WDR4: variants seen among roughly 807,000 people sequenced by gnomAD.
WDR4 encodes the protein WDR4 tRNA N7-guanosine methyltransferase non-catalytic subunit, also known as tRNA (guanine-N(7)-)-methyltransferase non-catalytic subunit WDR4.
A neutral mutation model predicts 48.6 loss-of-function variants in WDR4; 47 were observed. The observed-to-expected ratio is 0.97, with a 90% CI of 0.77 to 1.23. The LOEUF (loss-of-function observed/expected upper bound fraction) is 1.23, where lower values mean the gene tolerates loss of function less well. Among genes scored for constraint, WDR4 ranks in the 50% most tolerant of loss-of-function variants. The pLI, the probability that WDR4 is intolerant of heterozygous loss-of-function variation, is 0.00. For synonymous variants in WDR4, 268 were observed against 230.0 expected, an observed-to-expected ratio of 1.17 and a Z score of -1.49; for missense variants, 606 against 551.6, an observed-to-expected ratio of 1.10 and a Z score of -0.99.
At chr21:42,853,811 G>A (rs1457768905) in intron 8 of WDR4, 59 bp from the exon 9 acceptor site, 8 of 1,500,002 alleles carry the variant, frequency 5.3e-6, no homozygotes, top group African/African-American at 2.8e-5. Context: ...GCTCCGCTCT[G>A]CAGCCAGCAC....
At chr21:42,863,680 C>G (rs928469052) in intron 3 of WDR4, 84 bp from the exon 4 acceptor site, 29 of 1,456,716 alleles carry the variant, frequency 2.0e-5, no homozygotes, top group Middle Eastern at 3.7e-4. Flanking sequence ...TGGGCGGTGG[C>G]AGGCACCGGT....
chr21:42,891,626 T>C, the WDR4 span, among the ~76,000 whole-genome samples: 1 of 151,988 alleles, frequency 6.6e-6, no homozygotes, highest in Non-Finnish European at 1.5e-5. Flanking sequence ...AGCATGACCT[T>C]TTCCCTGGAC....
intron 7 of WDR4, among the ~76,000 whole-genome samples, 198 bp from the exon 8 acceptor site, chr21:42,854,824 C>T (rs988383502): frequency 6.6e-6 from 1 of 152,026 alleles, no homozygotes; most frequent in African/African-American, 2.4e-5. Context: ...TGACAAAAGC[C>T]CCCCAGTGGT....
Position 42,854,738 on chromosome 21 carries a change from G to A in WDR4, c.727-112C>T, listed in dbSNP as rs941399780. On this transcript the variant is annotated intron_variant, in intron 7 of 10. Coordinates refer to ENST00000398208, the MANE Select transcript of WDR4 (RefSeq NM_018669.6). ...GACGCTCACGCCCCCACATATCAAG[G>A]AAGAGGAAACAGCACTGGAACATTC... The A allele has an allele frequency of 1.2e-5, 11 of 939,292 alleles. No individual in the cohort carries two copies. The African/African-American group carries it at 1.8e-4, about 16-fold the overall frequency. 58.2% of individuals were successfully genotyped at this position (939,292 alleles called of 1,614,324 possible).
At chr21:42,887,477 G>A in the WDR4 span, among the ~76,000 whole-genome samples, 8 of 151,996 alleles carry the variant, frequency 5.3e-5, no homozygotes, top group Non-Finnish European at 7.4e-5. Context: ...AATTTGGAGC[G>A]ACTTAACTGC....
chr21:42,849,716 G>A lies in WDR4; in HGVS notation c.*333C>T, dbSNP rs1003918938. On this transcript the variant is annotated 3_prime_UTR_variant, in exon 11 of 11. Transcript: ENST00000398208. ...GATGCTCCTAGAGGAAGATGCAGCG[G>A]ACACGAAGGGCGGTATGAGAACAGG... 1.3e-5 allele frequency: 3 copies of A among 235,854 alleles called. No individual in the cohort carries two copies. The highest frequency in any genetic ancestry group is 5.9e-5 in the Admixed American group (1 of 16,982). The allele number at this position is 235,854 out of a possible 1,614,324, so 14.6% of individuals were successfully genotyped here.
intron 6 of WDR4, among the ~76,000 whole-genome samples, chr21:42,856,652 T>C (rs2058000116): frequency 6.6e-6 from 1 of 152,186 alleles, no homozygotes; most frequent in Non-Finnish European, 1.5e-5. Context: ...GTCTGTGCAC[T>C]ATTTGTAAGT....
At chr21:42,879,168 T>C (rs1212302200) in intron 1 of WDR4, 3 of 1,329,468 alleles carry the variant, frequency 2.3e-6, no homozygotes, top group African/African-American at 1.5e-5. Flanking sequence ...AGCCATCTAG[T>C]GCAAGGAGCG....
intron 1 of WDR4, among the ~76,000 whole-genome samples, chr21:42,877,191 T>G (rs988370949): frequency 7.1e-6 from 1 of 140,620 alleles, no homozygotes; most frequent in African/African-American, 2.7e-5. Context: ...TCACTCAGGC[T>G]GGAGTGCAAG....
intron 9 of WDR4, 83 bp downstream of exon 9, chr21:42,853,485 AC>A: frequency 6.9e-7 from 1 of 1,448,102 alleles, no homozygotes; most frequent in Admixed American, 2.3e-5. Context: ...TTACCCATGG[AC>A]CCAAAAAACA....
chr21:42,848,860 G>A (rs1367531199), downstream of WDR4, among the ~76,000 whole-genome samples: 3 of 68,954 alleles, frequency 4.4e-5, no homozygotes, highest in East Asian at 2.9e-4. Flanking sequence ...CGATCACACC[G>A]CGCACCTCAC....
intron 5 of WDR4, among the ~76,000 whole-genome samples, chr21:42,861,521 G>A (rs778536574): frequency 4.6e-5 from 7 of 152,156 alleles, no homozygotes; most frequent in East Asian, 1.9e-4. Flanking sequence ...AGACCCCAGC[G>A]AGAGATGGTG....
chr21:42,848,528 C>T (rs563380069), downstream of WDR4, among the ~76,000 whole-genome samples: 14 of 57,536 alleles, frequency 2.4e-4, no homozygotes, highest in Admixed American at 4.1e-4. Context: ...ACACAGCACA[C>T]GATCACGCGG....
In WDR4 at chr21:42,879,490, C is replaced by T; in HGVS notation, c.6G>A (p.Ala2=). Reference sequence around the variant, plus strand: ...CGCACAACGCCAGTCCCACAGAGCCCGCCATGTACCCGCCCGCCTCACCGC... The same window carrying T: ...CGCACAACGCCAGTCCCACAGAGCCTGCCATGTACCCGCCCGCCTCACCGC... M[A]GSVGLALCGQ... is the part of the protein sequence containing the mutation. The change falls in exon 1 of 11, where the codon GCG becomes GCA. Residue 2 remains alanine (A), a synonymous_variant. Coordinates refer to ENST00000398208, the MANE Select transcript of WDR4 (RefSeq NM_018669.6). 6.2e-7 allele frequency: 1 copy of T among 1,613,328 alleles called. No homozygotes were observed.
chr21:42,857,518 C>G (rs904505739), intron 6 of WDR4, among the ~76,000 whole-genome samples: 1 of 152,130 alleles, frequency 6.6e-6, no homozygotes, highest in Non-Finnish European at 1.5e-5. Flanking sequence ...ATGAGAAAGG[C>G]AGACAACACA....
At chr21:42,859,605 C>CCCCCCCCCCCCCCGGGCCAGAAA in intron 6 of WDR4, 57 bp downstream of exon 6, 1 of 1,071,986 alleles carries the variant, frequency 9.3e-7, no homozygotes, top group Non-Finnish European at 1.4e-6. Flanking sequence ...GCGCCCACCC[C>CCCCCCCCCCCCCCGGGCCAGAAA]ACCCTCCCTG....
intron 11 of WDR4, chr21:42,843,331 A>G (rs1249938287): frequency 1.3e-5 from 2 of 151,912 alleles, no homozygotes; most frequent in East Asian, 3.9e-4. Flanking sequence ...AATTATCTTA[A>G]ATTTGCTCCA....
At chr21:42,851,050 A>G (rs774750958) in intron 10 of WDR4, among the ~76,000 whole-genome samples, 1 of 152,120 alleles carries the variant, frequency 6.6e-6, no homozygotes, top group South Asian at 2.1e-4. Flanking sequence ...CCCTCTCCCA[A>G]CGCAGGCCCC....
intron 6 of WDR4, 67 bp downstream of exon 6, chr21:42,859,595 G>A (rs570979159): frequency 1.6e-4 from 118 of 756,070 alleles, no homozygotes; most frequent in Admixed American, 1.1e-3. Flanking sequence ...GGTCCAGGAG[G>A]CGCCCACCCC....
Sources: gnomAD v4.1 joint callset for allele counts (sites outside exome capture counted in the v4.1 genomes callset) on GRCh38, gnomAD v4.1.1 for gene constraint, MANE v1.5 for transcripts, NCBI Gene and HGNC (gene_info 2026-07-23, HGNC 2026-07-21) for gene names.